The following NPY2R variants were observed in gnomAD, a reference collection of about 807,000 sequenced individuals.
NPY2R encodes neuropeptide Y receptor type 2.
Under a neutral mutation model 22.3 loss-of-function variants are expected in NPY2R, and 17 were observed. The ratio of observed to expected loss-of-function variants is 0.76; its 90% CI spans 0.52 to 1.14. The LOEUF (loss-of-function observed/expected upper bound fraction) is 1.14. Ranked by LOEUF, NPY2R falls within the 50% of genes most tolerant of loss-of-function variation. The pLI, the probability that NPY2R is intolerant of heterozygous loss-of-function variation, is 0.00. For missense variants in NPY2R, 424 were observed against 467.9 expected (o/e 0.91, Z 0.87); for synonymous variants, 209 against 183.4 (o/e 1.14, Z -1.13).
intron 1 of NPY2R, among the ~76,000 whole-genome samples, chr4:155,210,795 G>T (rs1468753396): frequency 6.6e-6 from 1 of 152,130 alleles, no homozygotes; most frequent in African/African-American, 2.4e-5. Context: ...CCTGTGGAAG[G>T]GTGAGTGGTG....
the NPY2R span, among the ~76,000 whole-genome samples, chr4:155,188,521 A>G: frequency 6.6e-6 from 1 of 152,130 alleles, no homozygotes; most frequent in Admixed American, 6.6e-5. Context: ...GAATTGCTTC[A>G]AAACAGTCAA....
chr4:155,195,063 A>G, the NPY2R span, among the ~76,000 whole-genome samples: 1 of 151,906 alleles, frequency 6.6e-6, no homozygotes, highest in African/African-American at 2.4e-5. Context: ...AAGCAAAGAG[A>G]TGTATCCCCA....
chr4:155,200,421 C>A, the NPY2R span, among the ~76,000 whole-genome samples: 3 of 152,100 alleles, frequency 2.0e-5, no homozygotes, highest in African/African-American at 7.2e-5. Context: ...TAAATTAGTT[C>A]AAACATTGTG....
At chr4:155,182,292 T>C in the NPY2R span, among the ~76,000 whole-genome samples, 3 of 152,168 alleles carry the variant, frequency 2.0e-5, no homozygotes, top group Non-Finnish European at 2.9e-5. Flanking sequence ...CTTAGCTGTA[T>C]ATATATTTAT....
chr4:155,203,681 G>T (rs1327700780), upstream of NPY2R, among the ~76,000 whole-genome samples: 2 of 152,014 alleles, frequency 1.3e-5, no homozygotes, highest in African/African-American at 4.8e-5. Context: ...GGATATCTAG[G>T]TTCCATAATT....
rs1729504765 is a variant in NPY2R at position 155,215,868 on chromosome 4, A to G, written c.*783A>G. ...TTATGGAGATACTATTTAGATAACA[A>G]GAATACAACTTGATACTTTTATTGT... On this transcript the variant is annotated 3_prime_UTR_variant, in exon 2 of 2. Transcript: ENST00000329476. 6.0e-6 allele frequency: 1 copy of G among 167,038 alleles called. No homozygotes were observed. The highest frequency in any genetic ancestry group is 2.1e-4 in the South Asian group (1 of 4,830). The allele number at this position is 167,038 out of a possible 1,614,324, so 10.3% of individuals were successfully genotyped here.
rs41280479 is a variant in NPY2R, at chr4:155,213,896, T to C, written c.-44T>C. The C allele has an allele frequency of 5.4e-6, 8 of 1,489,936 alleles. No homozygotes were observed. The highest frequency in any genetic ancestry group is 1.1e-5 in the South Asian group (1 of 88,650). 92.3% of individuals were successfully genotyped at this position (1,489,936 alleles called of 1,614,324 possible). On this transcript the variant is annotated 5_prime_UTR_variant, in exon 2 of 2. Transcript: ENST00000329476. ...TATTTTGTTTTTTCTTTTTAGGTTG[T>C]AGACTCTTGTGCTGGTTGCAGGCCA...
chr4:155,214,378 G>A lies in NPY2R; in HGVS notation c.439G>A (p.Asp147Asn). Reference protein sequence around the residue: ...STITLTVIALDRHRCIVYHLE... With the variant: ...STITLTVIALNRHRCIVYHLE... ...AATCACCTTGACAGTAATTGCCCTG[G>A]ACCGGCACAGGTGCATCGTCTACCA... Residue 147 changes from aspartate (D) to asparagine (N), a missense_variant, in exon 2 of 2, where the codon GAC becomes AAC. By Grantham distance (23) the Asp-to-Asn change is conservative. Transcript: ENST00000329476. 1 of 1,614,078 alleles carries A rather than the reference G, an allele frequency of 6.2e-7. No homozygotes were observed. Among genetic ancestry groups the A allele is most frequent in the Non-Finnish European group, 8.5e-7 (1 of 1,180,028 alleles).
chr4:155,199,914 G>A, the NPY2R span, among the ~76,000 whole-genome samples: 1 of 152,012 alleles, frequency 6.6e-6, no homozygotes, highest in South Asian at 2.1e-4. Context: ...AAATCCTAGA[G>A]AAAATCTAGG....
At chr4:155,181,356 C>T in the NPY2R span, among the ~76,000 whole-genome samples, 773 of 152,184 alleles carry the variant, frequency 5.1e-3, 10 homozygotes, top group African/African-American at 0.018. Flanking sequence ...ATGTTATCAC[C>T]AGTGGTGTGA....
upstream of NPY2R, among the ~76,000 whole-genome samples, chr4:155,204,586 T>G (rs148268121): frequency 1.5e-3 from 226 of 152,280 alleles, 2 homozygotes; most frequent in East Asian, 0.02. Context: ...TCTCACAGTT[T>G]TGTCCATAAC....
chr4:155,211,551 G>A (rs1254356931), intron 1 of NPY2R, among the ~76,000 whole-genome samples: 1 of 152,166 alleles, frequency 6.6e-6, no homozygotes, highest in African/African-American at 2.4e-5. Context: ...TCTTCTATAG[G>A]CCAGTGTTGT....
At chr4:155,182,212 C>G in the NPY2R span, among the ~76,000 whole-genome samples, 3 of 152,124 alleles carry the variant, frequency 2.0e-5, no homozygotes, top group African/African-American at 7.2e-5. Flanking sequence ...CACACCACCA[C>G]CAAAAGGAAA....
the NPY2R span, among the ~76,000 whole-genome samples, chr4:155,184,518 G>T: frequency 6.6e-6 from 1 of 152,056 alleles, no homozygotes; most frequent in Non-Finnish European, 1.5e-5. Context: ...AGTAAAGTTG[G>T]GTGGATTTCT....
chr4:155,214,911 C>G lies in NPY2R; in HGVS notation c.972C>G (p.Leu324=). 6.2e-7 allele frequency: 1 copy of G among 1,613,864 alleles called. No individual in the cohort carries two copies. Among genetic ancestry groups the G allele is most frequent in the Non-Finnish European group, 8.5e-7 (1 of 1,179,792 alleles). ...AMCSTFANPL[L]YGWMNSNYRK... ...GCTCCACTTTTGCCAATCCCCTTCT[C>G]TATGGCTGGATGAACAGCAACTACA... The change falls in exon 2 of 2, where the codon CTC becomes CTG. Residue 324 remains leucine, a synonymous_variant. Coordinates refer to ENST00000329476, the MANE Select transcript of NPY2R (RefSeq NM_000910.4).
At chr4:155,210,977 C>T (rs1729392402) in intron 1 of NPY2R, among the ~76,000 whole-genome samples, 1 of 117,996 alleles carries the variant, frequency 8.5e-6, no homozygotes, top group Non-Finnish European at 1.7e-5. Flanking sequence ...GGTCTCAGGA[C>T]AATTTTTTTT....
In NPY2R at chr4:155,215,956, C is replaced by A. The variant is rs146356210; in HGVS notation, c.*871C>A. ...CCTATTGGAGCTAAGTTTGTCTACA[C>A]TAAAATTTAAATCAGACTAGAGAAT... is the stretch of plus-strand genomic sequence containing the variant. On this transcript the variant is annotated 3_prime_UTR_variant, in exon 2 of 2. Coordinates refer to ENST00000329476, the MANE Select transcript of NPY2R (RefSeq NM_000910.4). 4 of 167,172 alleles carry A rather than the reference C, an allele frequency of 2.4e-5. No homozygotes were observed. The highest frequency in any genetic ancestry group is 9.6e-5 in the African/African-American group (4 of 41,576). The allele number at this position is 167,172 out of a possible 1,614,324, so 10.4% of individuals were successfully genotyped here. A position where few individuals can be genotyped will look rare whatever the true frequency, so the allele number is the denominator to read the frequency against.
At chr4:155,208,432 C>G (rs532945622), upstream of NPY2R, 3 of 152,300 alleles carry the variant, frequency 2.0e-5, no homozygotes, top group Non-Finnish European at 4.4e-5. This position sits in a 1 kb window ranked among gnomAD's most constrained non-coding sequence, Gnocchi z 5.6. Context: ...CGGGCCAGCT[C>G]TCGCGGAACT....
At chr4:155,211,090 A>G (rs1003405554) in intron 1 of NPY2R, among the ~76,000 whole-genome samples, 11 of 152,218 alleles carry the variant, frequency 7.2e-5, no homozygotes, top group African/African-American at 2.7e-4. Context: ...AAAGGAAAGG[A>G]TCAAAATTAT....
Sources: allele counts gnomAD v4.1 joint callset (sites outside exome capture counted in the v4.1 genomes callset), GRCh38; gene constraint gnomAD v4.1.1; non-coding constraint Gnocchi (gnomAD v3.1); transcripts MANE v1.5; gene names NCBI Gene and HGNC (gene_info 2026-07-23, HGNC 2026-07-21).